GABRB3: variants seen among roughly 807,000 people sequenced by gnomAD.
GABRB3 encodes gamma-aminobutyric acid receptor subunit beta-3.
A neutral mutation model predicts 52.1 loss-of-function variants in GABRB3; 14 were observed. The observed-to-expected ratio is 0.27, with a 90% CI of 0.18 to 0.42. GABRB3 has a LOEUF of 0.42. Ranked by LOEUF, GABRB3 falls within the 10% of genes least tolerant of loss-of-function variation. GABRB3 has a pLI of 1.00. For synonymous variants in GABRB3, 260 were observed against 232.3 expected (o/e 1.12, Z -1.08); for missense variants, 307 against 609.1 (o/e 0.50, Z 5.22).
chr15:26,607,212 C>A (rs1248518730), intron 4 of GABRB3, among the ~76,000 whole-genome samples: 1 of 152,136 alleles, frequency 6.6e-6, no homozygotes, highest in Non-Finnish European at 1.5e-5. Flanking sequence ...CTGCCTGATT[C>A]ACAAATTGTT....
intron 3 of GABRB3, among the ~76,000 whole-genome samples, chr15:26,630,818 T>G (rs1395315204): frequency 6.6e-6 from 1 of 152,216 alleles, no homozygotes; most frequent in East Asian, 1.9e-4. Context: ...CTGAAGTTCA[T>G]GGGATGCGTG....
At chr15:26,668,561 C>T (rs1158304708) in intron 3 of GABRB3, among the ~76,000 whole-genome samples, 1 of 152,014 alleles carries the variant, frequency 6.6e-6, no homozygotes, top group African/African-American at 2.4e-5. Flanking sequence ...ATTGGCCTGT[C>T]AGCTCTTGCT....
intron 2 of GABRB3, 31 bp downstream of exon 2, chr15:26,772,650 T>C (rs760600395): frequency 1.3e-6 from 2 of 1,523,924 alleles, no homozygotes; most frequent in African/African-American, 1.5e-5. Context: ...TGGGTCGCGC[T>C]TCCCGCAACG....
intron 3 of GABRB3, among the ~76,000 whole-genome samples, chr15:26,761,990 G>C (rs565338974): frequency 1.6e-4 from 24 of 151,984 alleles, no homozygotes; most frequent in Non-Finnish European, 1.6e-4. Context: ...GTGCAATCAC[G>C]CCCGGCTAAT....
chr15:26,615,487 A>T, intron 4 of GABRB3: 1 of 971,432 alleles, frequency 1.0e-6, no homozygotes, highest in Non-Finnish European at 1.2e-6. Flanking sequence ...GAGTCATGGG[A>T]AAAATGGCTC....
chr15:26,661,199 A>T (rs1208222948), intron 3 of GABRB3, among the ~76,000 whole-genome samples: 2 of 152,196 alleles, frequency 1.3e-5, no homozygotes, highest in Non-Finnish European at 2.9e-5. Context: ...ATGGTTCCTA[A>T]TCACCAGCTG....
At chr15:26,575,494 T>C (rs76031631) in intron 6 of GABRB3, among the ~76,000 whole-genome samples, 1,628 of 152,312 alleles carry the variant, frequency 0.011, 35 homozygotes, top group African/African-American at 0.037. Context: ...TTCTTCCTTT[T>C]AATGTTTCAT....
intron 3 of GABRB3, among the ~76,000 whole-genome samples, chr15:26,715,240 T>C (rs1415174113): frequency 6.6e-6 from 1 of 151,864 alleles, no homozygotes; most frequent in Non-Finnish European, 1.5e-5. Context: ...AGACTTGGGC[T>C]GGTGATTGAA....
At chr15:26,555,623 T>C (rs567168469) in intron 8 of GABRB3, among the ~76,000 whole-genome samples, 1 of 152,326 alleles carries the variant, frequency 6.6e-6, no homozygotes, top group East Asian at 1.9e-4. Flanking sequence ...GCTTTGGACA[T>C]GTATGACTAA....
intron 3 of GABRB3, among the ~76,000 whole-genome samples, chr15:26,706,962 G>A (rs995899516): frequency 6.6e-6 from 1 of 152,192 alleles, no homozygotes; most frequent in Admixed American, 6.5e-5. Flanking sequence ...CAGTGCTGAA[G>A]CTGCAACTCT....
chr15:26,638,854 T>C (rs1893121731), intron 3 of GABRB3, among the ~76,000 whole-genome samples: 1 of 152,160 alleles, frequency 6.6e-6, no homozygotes, highest in Admixed American at 6.6e-5. Context: ...TTTAGAAACA[T>C]GCGCATGTGT....
At chr15:26,551,652 C>T (rs184653080) in intron 8 of GABRB3, among the ~76,000 whole-genome samples, 1 of 152,288 alleles carries the variant, frequency 6.6e-6, no homozygotes, top group East Asian at 1.9e-4. Context: ...CCAGGTGGTG[C>T]CAGTGCTTCT....
intron 3 of GABRB3, among the ~76,000 whole-genome samples, chr15:26,751,482 C>G (rs565687250): frequency 1.1e-4 from 16 of 152,204 alleles, no homozygotes; most frequent in African/African-American, 3.6e-4. Context: ...GCTCTCTAGA[C>G]ACAGAAGATC....
chr15:26,757,044 T>C (rs920396775), intron 3 of GABRB3, among the ~76,000 whole-genome samples: 1 of 152,178 alleles, frequency 6.6e-6, no homozygotes, highest in Non-Finnish European at 1.5e-5. Context: ...CTAAACTAAA[T>C]AGAATTTAAT....
intron 3 of GABRB3, among the ~76,000 whole-genome samples, chr15:26,698,275 A>C (rs1277597047): frequency 6.6e-6 from 1 of 152,082 alleles, no homozygotes. Context: ...TTACCCATAG[A>C]CTCCACAACG....
chr15:26,645,013 T>C (rs1459531232), intron 3 of GABRB3, among the ~76,000 whole-genome samples: 1 of 152,154 alleles, frequency 6.6e-6, no homozygotes, highest in African/African-American at 2.4e-5. Flanking sequence ...TGTAAGAGGC[T>C]AAGAAGGAAG....
intron 3 of GABRB3, among the ~76,000 whole-genome samples, chr15:26,662,655 G>A (rs1273437924): frequency 1.3e-5 from 2 of 152,102 alleles, no homozygotes; most frequent in African/African-American, 4.8e-5. Flanking sequence ...CGCACAGCTC[G>A]CCCCAGCAAT....
At chr15:26,564,209 A>G (rs1890084782) in intron 7 of GABRB3, among the ~76,000 whole-genome samples, 1 of 152,156 alleles carries the variant, frequency 6.6e-6, no homozygotes, top group Admixed American at 6.5e-5. Context: ...CTCCAAAAGT[A>G]GAAAAAAATC....
intron 3 of GABRB3, among the ~76,000 whole-genome samples, chr15:26,738,814 A>G (rs1890130992): frequency 6.6e-6 from 1 of 152,176 alleles, no homozygotes; most frequent in Non-Finnish European, 1.5e-5. Flanking sequence ...GAGCTATCTC[A>G]GCCTGAGGGT....
Sources: allele counts gnomAD v4.1 joint callset (sites outside exome capture counted in the v4.1 genomes callset), GRCh38; gene constraint gnomAD v4.1.1; transcripts MANE v1.5; gene names NCBI Gene and HGNC (gene_info 2026-07-23, HGNC 2026-07-21).